Variants in MTMR10 observed in about 807,000 individuals in gnomAD.
The protein encoded by MTMR10 is myotubularin related protein 10.
MTMR10 carries 56 observed loss-of-function variants against 88.1 expected under a neutral mutation model. The observed-to-expected ratio is 0.64, with a 90% CI of 0.51 to 0.79. The LOEUF is 0.79. Ranked by LOEUF, MTMR10 falls within the 30% of genes least tolerant of loss-of-function variation. MTMR10 has a pLI of 0.00. For synonymous variants in MTMR10, 380 were observed against 340.9 expected (o/e 1.11, Z -1.26); for missense variants, 883 against 924.7 (o/e 0.95, Z 0.58).
At chr15:30,946,513 C>T in intron 14 of MTMR10, 1 of 529,342 alleles carries the variant, frequency 1.9e-6, no homozygotes. Flanking sequence ...CCGGAGCTCA[C>T]TATGAGGGCA....
chr15:30,942,273 C>G (rs1299488371), intron 15 of MTMR10: 2 of 667,096 alleles, frequency 3.0e-6, no homozygotes, highest in East Asian at 5.5e-5. Context: ...TCTACCTAGG[C>G]TGTTACTATC....
At position 30,961,011 on chromosome 15, in the gene MTMR10, C is replaced by T; in HGVS notation, c.628G>A (p.Ala210Thr). Reference protein sequence around the residue: ...GGGGGGGGNGAGGGSSQKTPL... With the variant: ...GGGGGGGGNGTGGGSSQKTPL... Reference sequence around the variant, plus strand: ...GTTTTCTGGCTGCTGCCACCACCAGCTCCATTACCTCCTCCTCCTCCTCCT... The same window carrying T: ...GTTTTCTGGCTGCTGCCACCACCAGTTCCATTACCTCCTCCTCCTCCTCCT... Residue 210 changes from alanine (A) to threonine (T), a missense_variant, in exon 7 of 16, where the codon GCT (alanine) becomes ACT (threonine). Transcript: ENST00000435680. 6.4e-7 allele frequency: 1 copy of T among 1,574,220 alleles called. No individual in the cohort carries two copies. The highest frequency in any genetic ancestry group is 8.6e-7 in the Non-Finnish European group (1 of 1,158,508).
At chr15:30,945,141 G>A (rs1320597788) in intron 14 of MTMR10, among the ~76,000 whole-genome samples, 1 of 152,092 alleles carries the variant, frequency 6.6e-6, no homozygotes, top group Non-Finnish European at 1.5e-5. Flanking sequence ...GGAAAAAAAA[G>A]GAAGAAATGC....
intron 14 of MTMR10, 191 bp downstream of exon 14, chr15:30,946,939 A>G: frequency 1.3e-6 from 1 of 742,874 alleles, no homozygotes; most frequent in Non-Finnish European, 2.1e-6. Context: ...AAAACAAAAA[A>G]TGTTCATTCA....
In MTMR10 at chr15:30,989,245, A is replaced by C. The variant is rs80119640; in HGVS notation, c.121+1532T>G. On this transcript the variant is annotated intron_variant, in intron 2 of 15. Transcript: ENST00000435680. ...AGTGACTAAGACTAAAACAGAGCAC[A>C]CAGGGAGCAAGGGTTACTTAGTAAT... Among the ~76,000 whole-genome samples the C allele has an allele frequency of 5.0e-3, 766 of 152,246 alleles. 6 individuals are homozygous for C. The highest frequency in any genetic ancestry group is 0.018 in the African/African-American group (729 of 41,548).
At chr15:30,952,512 G>A (rs906035321) in intron 11 of MTMR10, among the ~76,000 whole-genome samples, 3 of 150,756 alleles carry the variant, frequency 2.0e-5, no homozygotes, top group East Asian at 1.9e-4. Context: ...CCACAGGCAC[G>A]AGCCACCATG....
intron 2 of MTMR10, among the ~76,000 whole-genome samples, chr15:30,983,304 G>T (rs142720666): frequency 5.3e-5 from 8 of 152,284 alleles, no homozygotes; most frequent in Non-Finnish European, 8.8e-5. Context: ...TAAATTAGAG[G>T]ATGATGAGCC....
At chr15:30,920,265 A>G in the MTMR10 span, among the ~76,000 whole-genome samples, 1 of 152,218 alleles carries the variant, frequency 6.6e-6, no homozygotes, top group Non-Finnish European at 1.5e-5. Flanking sequence ...CAGGACATAG[A>G]AAATCAGGTG....
At chr15:30,946,491 A>G (rs2063173241) in intron 14 of MTMR10, 1 of 455,112 alleles carries the variant, frequency 2.2e-6, no homozygotes, top group Non-Finnish European at 3.9e-6. Flanking sequence ...CTTACGGCTG[A>G]GGCTGAAGAC....
chr15:30,928,539 T>A, the MTMR10 span: 3 of 1,611,208 alleles, frequency 1.9e-6, no homozygotes, highest in Non-Finnish European at 1.7e-6. Flanking sequence ...TGTGTGTGTG[T>A]GACCTTGTCT....
chr15:30,925,075 A>G, the MTMR10 span: 1 of 1,547,588 alleles, frequency 6.5e-7, no homozygotes, highest in South Asian at 1.2e-5. Flanking sequence ...AATGCATGGA[A>G]GCCGCCATGG....
At chr15:30,923,767 G>C in the MTMR10 span, among the ~76,000 whole-genome samples, 1 of 152,196 alleles carries the variant, frequency 6.6e-6, no homozygotes, top group Non-Finnish European at 1.5e-5. Context: ...CTCAACTCTG[G>C]ATGGCCTGAG....
rs113189585 is a variant in MTMR10, at chr15:30,943,710, C to G, written c.1549-638G>C. 1.9e-3 allele frequency: 1,853 copies of G among 985,420 alleles called. 4 individuals are homozygous for G. Among genetic ancestry groups the G allele is most frequent in the Non-Finnish European group, 2.1e-3 (1,740 of 829,916 alleles). 61.0% of individuals were successfully genotyped at this position (985,420 alleles called of 1,614,324 possible). A position where few individuals can be genotyped will look rare whatever the true frequency, so the allele number is the denominator to read the frequency against. The stretch of plus-strand genomic sequence containing the variant: ...TAGCCCGGACTCTGGGCGGGTGCAG[C>G]CTAGTTATCTGGCTTCCCACCACAG... On this transcript the variant is annotated intron_variant, in intron 14 of 15. Coordinates refer to ENST00000435680, the MANE Select transcript of MTMR10 (RefSeq NM_017762.3).
the MTMR10 span, among the ~76,000 whole-genome samples, chr15:30,933,545 T>C: frequency 6.6e-6 from 1 of 152,232 alleles, no homozygotes; most frequent in African/African-American, 2.4e-5. Flanking sequence ...GTCCAGAATA[T>C]GGTATTCCCT....
In MTMR10 at chr15:30,968,001, CA is replaced by C; in HGVS notation, c.483del (p.Ala162GlnfsTer2). 6.4e-7 allele frequency: 1 copy of C among 1,562,944 alleles called. No homozygotes were observed. The highest frequency in any genetic ancestry group is 8.7e-7 in the Non-Finnish European group (1 of 1,152,226). ...SGPESAKKVC[L>X]AIAHYSQPTD... ...GTTGGCTGGGAATAATGAGCTATTGCAAGGCATACCTAGGAAAAATTCTACA... is the reference window on the plus strand; with the variant it reads ...GTTGGCTGGGAATAATGAGCTATTGCAGGCATACCTAGGAAAAATTCTACA... On this transcript the variant is annotated frameshift_variant, in exon 6 of 16. Coordinates refer to ENST00000435680, the MANE Select transcript of MTMR10 (RefSeq NM_017762.3). LOFTEE classifies it high-confidence loss of function.
At chr15:30,960,758 CATT>C (rs2063390702) in intron 7 of MTMR10, 120 bp downstream of exon 7, 4 of 1,194,380 alleles carry the variant, frequency 3.3e-6, no homozygotes, top group Non-Finnish European at 3.2e-6. Flanking sequence ...TTTATTAAAA[CATT>C]ATTAAAAACA....
At chr15:30,955,337 C>T (rs1405356274) in intron 9 of MTMR10, among the ~76,000 whole-genome samples, 1 of 152,206 alleles carries the variant, frequency 6.6e-6, no homozygotes, top group South Asian at 2.1e-4. Context: ...GTGGCACCAT[C>T]TCGGCTCACT....
Position 30,942,092 on chromosome 15 carries a change from T to C in MTMR10, c.1732-20A>G. Reference sequence around the variant, plus strand: ...GCTTTTCTATACAGAAGAGATTTTATTATGTTCCGGGGATTCCCTTTTTAG... The same window carrying C: ...GCTTTTCTATACAGAAGAGATTTTACTATGTTCCGGGGATTCCCTTTTTAG... On this transcript the variant is annotated intron_variant, in intron 15 of 15. Coordinates refer to ENST00000435680, the MANE Select transcript of MTMR10 (RefSeq NM_017762.3). The C allele has an allele frequency of 1.2e-6, 2 of 1,601,538 alleles. No homozygotes were observed. The highest frequency in any genetic ancestry group is 2.2e-5 in the East Asian group (1 of 44,690).
intron 3 of MTMR10, among the ~76,000 whole-genome samples, chr15:30,976,465 G>T (rs1282295888): frequency 6.6e-6 from 1 of 152,040 alleles, no homozygotes; most frequent in African/African-American, 2.4e-5. Context: ...TCACTAAAAT[G>T]TGTGGCATTT....
Sources: allele counts gnomAD v4.1 joint callset (sites outside exome capture counted in the v4.1 genomes callset), GRCh38; gene constraint gnomAD v4.1.1; transcripts MANE v1.5; gene names NCBI Gene and HGNC (gene_info 2026-07-23, HGNC 2026-07-21).